TRPC1: variants seen among roughly 807,000 people sequenced by gnomAD.
The protein encoded by TRPC1 is transient receptor potential cation channel subfamily C member 1.
TRPC1 carries 42 observed loss-of-function variants against 88.2 expected under a neutral mutation model. The ratio of observed to expected loss-of-function variants is 0.48; its 90% CI spans 0.37 to 0.62. TRPC1 has a LOEUF of 0.62. TRPC1 is among the 20% of genes least tolerant of loss of function. The pLI is 0.00. For synonymous variants in TRPC1, 288 were observed against 331.8 expected, an observed-to-expected ratio of 0.87 and a Z score of 1.43; for missense variants, 699 against 957.3, an observed-to-expected ratio of 0.73 and a Z score of 3.56.
chr3:142,737,964 G>C (rs189445078), intron 2 of TRPC1, among the ~76,000 whole-genome samples: 1 of 152,044 alleles, frequency 6.6e-6, no homozygotes, highest in East Asian at 1.9e-4. Context: ...AGAAAATAAG[G>C]GTAGAAAAAA....
Position 142,780,854 on chromosome 3 carries a change from C to T in TRPC1, c.785C>T (p.Ala262Val), listed in dbSNP as rs373999442. 7 of 1,610,394 alleles carry T rather than the reference C, an allele frequency of 4.3e-6. No homozygotes were observed. In the African/African-American group the frequency reaches 6.7e-5, roughly 15 times the overall value. ...TATAGGAATGATTATGAGGAACTAG[C>T]CCGGCAATGTAAAATGTTTGCTAAG... ...VEFRNDYEEL[A>V]RQCKMFAKDL... The change falls in exon 6 of 13, where the codon GCC (alanine) becomes GTC (valine). Residue 262 changes from alanine to valine, a missense_variant. Around this residue, in one of 4 missense-constraint regions of TRPC1, gnomAD observed 426 missense variants for 641.3 expected, o/e 0.66. Transcript: ENST00000476941.
At chr3:142,760,613 G>A (rs1935149476) in intron 4 of TRPC1, among the ~76,000 whole-genome samples, 1 of 152,076 alleles carries the variant, frequency 6.6e-6, no homozygotes, top group Admixed American at 6.6e-5. Context: ...CTATTTCTCT[G>A]AAGAATGTCG....
chr3:142,756,109 C>T (rs1934950393), intron 4 of TRPC1, among the ~76,000 whole-genome samples: 1 of 152,242 alleles, frequency 6.6e-6, no homozygotes, highest in South Asian at 2.1e-4. Context: ...AATTGTTGAG[C>T]AGTATTCCAT....
At chr3:142,769,239 G>A (rs1351274426) in intron 4 of TRPC1, among the ~76,000 whole-genome samples, 1 of 152,006 alleles carries the variant, frequency 6.6e-6, no homozygotes, top group Non-Finnish European at 1.5e-5. Flanking sequence ...GATCACCACA[G>A]TCAATTTTAA....
intron 4 of TRPC1, among the ~76,000 whole-genome samples, chr3:142,764,559 T>C (rs528709922): frequency 6.6e-6 from 1 of 152,260 alleles, no homozygotes; most frequent in South Asian, 2.1e-4. Context: ...AGGGCTTTTT[T>C]TTCCCTTTGG....
chr3:142,760,051 C>G (rs1935128488), intron 4 of TRPC1, among the ~76,000 whole-genome samples: 1 of 152,076 alleles, frequency 6.6e-6, no homozygotes, highest in African/African-American at 2.4e-5. Context: ...TGGTCTCGAT[C>G]TCCTGACCTC....
At chr3:142,798,668 A>C (rs1335939823) in intron 9 of TRPC1, among the ~76,000 whole-genome samples, 3 of 152,186 alleles carry the variant, frequency 2.0e-5, no homozygotes, top group African/African-American at 7.2e-5. Context: ...TAAAAAAGAC[A>C]GGCTGGGCTG....
At chr3:142,800,927 A>AG (rs1268193094) in intron 9 of TRPC1, among the ~76,000 whole-genome samples, 1 of 151,954 alleles carries the variant, frequency 6.6e-6, no homozygotes, top group African/African-American at 2.4e-5. Context: ...AGAAAGAAAA[A>AG]AAAAAAAAAG....
At chr3:142,781,682 T>C (rs79853223) in intron 6 of TRPC1, among the ~76,000 whole-genome samples, 2,178 of 152,212 alleles carry the variant, frequency 0.014, 58 homozygotes, top group African/African-American at 0.05. Flanking sequence ...CAGGAAAATA[T>C]GCATTTTAAA....
chr3:142,771,569 A>G (rs958251431), intron 4 of TRPC1, among the ~76,000 whole-genome samples: 1 of 152,174 alleles, frequency 6.6e-6, no homozygotes, highest in Non-Finnish European at 1.5e-5. Flanking sequence ...TTTGTTATAC[A>G]TATTCTATCT....
intron 2 of TRPC1, among the ~76,000 whole-genome samples, chr3:142,740,366 G>C (rs1934300988): frequency 6.6e-6 from 1 of 152,168 alleles, no homozygotes; most frequent in Non-Finnish European, 1.5e-5. Flanking sequence ...TTGTTGATTT[G>C]GCAGCTATCA....
chr3:142,747,974 A>G (rs1308816963), intron 3 of TRPC1, among the ~76,000 whole-genome samples: 1 of 152,126 alleles, frequency 6.6e-6, no homozygotes, highest in Non-Finnish European at 1.5e-5. Context: ...TCCCTAAGAT[A>G]TTTCTCTAGA....
Position 142,724,349 on chromosome 3 carries a change from C to A in TRPC1, c.-211C>A. 2.6e-6 allele frequency: 1 copy of A among 381,240 alleles called. No individual in the cohort carries two copies. The highest frequency in any genetic ancestry group is 4.5e-6 in the Non-Finnish European group (1 of 220,204). The allele number at this position is 381,240 out of a possible 1,614,324, so 23.6% of individuals were successfully genotyped here. A position where few individuals can be genotyped will look rare whatever the true frequency, so the allele number is the denominator to read the frequency against. ...GTCGCTGGCCCCGGGGCCGCGCATG[C>A]GCCGCCACCAACTTGGGGCTGTCAG... On this transcript the variant is annotated 5_prime_UTR_variant, in exon 1 of 13. Transcript: ENST00000476941. This position sits in a 1 kb window ranked among gnomAD's most constrained non-coding sequence, Gnocchi z 5.6.
Position 142,730,033 on chromosome 3 carries a change from G to A in TRPC1, c.172+5302G>A, listed in dbSNP as rs188062427. On this transcript the variant is annotated intron_variant, in intron 1 of 12. Transcript: ENST00000476941. Reference sequence around the variant, plus strand: ...TATTGGCCAGTAATATATTTTTCTAGTTTTATAAATATGTATAATTCAAAT... The same window carrying A: ...TATTGGCCAGTAATATATTTTTCTAATTTTATAAATATGTATAATTCAAAT... Among the ~76,000 whole-genome samples the A allele has an allele frequency of 3.0e-4, 46 of 152,124 alleles. No homozygotes were observed. In the East Asian group the frequency reaches 7.7e-3, roughly 26 times the overall value.
intron 4 of TRPC1, among the ~76,000 whole-genome samples, chr3:142,756,361 CT>C (rs749438384): frequency 1.5e-3 from 211 of 136,528 alleles, no homozygotes; most frequent in Middle Eastern, 0.012. Flanking sequence ...TATGATGGTT[CT>C]TTTTTTTTTT....
At chr3:142,782,823 G>T (rs1002264150) in intron 6 of TRPC1, among the ~76,000 whole-genome samples, 3 of 152,218 alleles carry the variant, frequency 2.0e-5, no homozygotes, top group Non-Finnish European at 4.4e-5. Context: ...TCTGCGGGCT[G>T]GCTGGGGTAC....
intron 1 of TRPC1, among the ~76,000 whole-genome samples, chr3:142,731,412 T>C (rs1030668673): frequency 3.1e-5 from 4 of 131,088 alleles, no homozygotes; most frequent in African/African-American, 1.2e-4. Context: ...TGAGACCGAG[T>C]CTCGCTCTGT....
intron 1 of TRPC1, among the ~76,000 whole-genome samples, chr3:142,727,754 A>C (rs539580946): frequency 3.8e-4 from 58 of 152,298 alleles, no homozygotes; most frequent in Non-Finnish European, 7.4e-4. Context: ...TTCAGAGGTA[A>C]AACTTAATTG....
chr3:142,736,040 G>C (rs1176118116), intron 1 of TRPC1, among the ~76,000 whole-genome samples: 4 of 151,940 alleles, frequency 2.6e-5, no homozygotes, highest in Non-Finnish European at 5.9e-5. Context: ...CTAGTGTCCA[G>C]TCTGTGCCTT....
Sources: gnomAD v4.1 joint callset for allele counts (sites outside exome capture counted in the v4.1 genomes callset) on GRCh38, gnomAD v4.1.1 for gene constraint, gnomAD v4.1.1 regional missense constraint, Gnocchi (gnomAD v3.1) non-coding constraint, MANE v1.5 for transcripts, NCBI Gene and HGNC (gene_info 2026-07-23, HGNC 2026-07-21) for gene names.